TDRD3: variants seen among roughly 807,000 people sequenced by gnomAD.
TDRD3 encodes the protein tudor domain containing 3, also known as tudor domain-containing protein 3.
A neutral mutation model predicts 86.7 loss-of-function variants in TDRD3; 45 were observed. The ratio of observed to expected loss-of-function variants is 0.52; its 90% CI spans 0.41 to 0.67. The LOEUF (loss-of-function observed/expected upper bound fraction) is 0.67. Ranked by LOEUF, TDRD3 falls within the 30% of genes least tolerant of loss-of-function variation. The probability of loss-of-function intolerance (pLI) is 0.00; values close to 1 mark genes in which losing one functional copy is unlikely to be tolerated. For missense variants in TDRD3, 814 were observed against 889.0 expected (o/e 0.92, Z 1.07); for synonymous variants, 298 against 301.7 (o/e 0.99, Z 0.13).
chr13:60,486,082 A>T, intron 7 of TDRD3, 134 bp downstream of exon 7: 1 of 832,900 alleles, frequency 1.2e-6, no homozygotes, highest in Non-Finnish European at 1.7e-6. Context: ...TGCATATTCC[A>T]TAACTGGGAA....
chr13:60,443,195 A>G (rs972398659), intron 2 of TDRD3, among the ~76,000 whole-genome samples: 3 of 152,024 alleles, frequency 2.0e-5, no homozygotes, highest in Non-Finnish European at 4.4e-5. Context: ...AAGTCATTAT[A>G]CTGAGTGCTT....
chr13:60,487,741 A>T (rs773407969), intron 7 of TDRD3, among the ~76,000 whole-genome samples: 2 of 152,106 alleles, frequency 1.3e-5, no homozygotes, highest in Non-Finnish European at 2.9e-5. Context: ...AATATGGGAG[A>T]TATCTCTTTG....
intron 10 of TDRD3, among the ~76,000 whole-genome samples, chr13:60,516,269 T>C (rs1000127480): frequency 1.3e-5 from 2 of 152,242 alleles, no homozygotes; most frequent in African/African-American, 2.4e-5. Context: ...ACTTGTTATG[T>C]CATATCAGAT....
intron 12 of TDRD3, chr13:60,537,733 A>G (rs1957728953): frequency 6.6e-6 from 1 of 152,010 alleles, no homozygotes. Flanking sequence ...GGAATTTTTA[A>G]TTTTTTAACT....
At chr13:60,554,325 C>G (rs944768110) in intron 12 of TDRD3, among the ~76,000 whole-genome samples, 2 of 152,192 alleles carry the variant, frequency 1.3e-5, no homozygotes, top group African/African-American at 4.8e-5. Flanking sequence ...ATTTTGTACT[C>G]TGAAGAATGT....
chr13:60,468,715 T>C (rs1212894613), intron 5 of TDRD3, among the ~76,000 whole-genome samples: 1 of 152,200 alleles, frequency 6.6e-6, no homozygotes, highest in Admixed American at 6.5e-5. Flanking sequence ...GACCATTTTT[T>C]TCTGTTATAC....
At chr13:60,480,374 T>C (rs147344122) in intron 5 of TDRD3, among the ~76,000 whole-genome samples, 1 of 152,164 alleles carries the variant, frequency 6.6e-6, no homozygotes, top group Non-Finnish European at 1.5e-5. Context: ...GTTAGCTGAG[T>C]GGGATTCTTT....
intron 3 of TDRD3, among the ~76,000 whole-genome samples, chr13:60,459,667 C>A (rs2138048797): frequency 6.6e-6 from 1 of 152,348 alleles, no homozygotes; most frequent in African/African-American, 2.4e-5. Flanking sequence ...GTCATCCAGG[C>A]TGCAGTGCAA....
chr13:60,456,064 T>C (rs11616352), intron 3 of TDRD3, among the ~76,000 whole-genome samples: 27,113 of 133,002 alleles, frequency 0.2, 3,234 homozygotes, highest in South Asian at 0.31. Flanking sequence ...AGTGAGACTA[T>C]GTCTCAAAAA....
At chr13:60,538,549 T>C (rs1340846222) in intron 12 of TDRD3, among the ~76,000 whole-genome samples, 2 of 152,166 alleles carry the variant, frequency 1.3e-5, no homozygotes, top group African/African-American at 4.8e-5. Flanking sequence ...GGATTTTTCT[T>C]ATTTTAGCAA....
At chr13:60,396,271 G>T (rs978313760), upstream of TDRD3, among the ~76,000 whole-genome samples, 3 of 152,154 alleles carry the variant, frequency 2.0e-5, no homozygotes, top group Admixed American at 2.0e-4. Flanking sequence ...CTTTTTCCCC[G>T]CAATACGGGA....
At chr13:60,435,918 G>GTTTTTTTT (rs767705603) in intron 1 of TDRD3, among the ~76,000 whole-genome samples, 1 of 124,774 alleles carries the variant, frequency 8.0e-6, no homozygotes, top group Non-Finnish European at 1.8e-5. Flanking sequence ...AACATCTATG[G>GTTTTTTTT]TTTTTTTTTT....
intron 1 of TDRD3, among the ~76,000 whole-genome samples, chr13:60,436,104 G>C (rs1651298479): frequency 7.0e-6 from 1 of 142,664 alleles, no homozygotes; most frequent in Admixed American, 7.0e-5. Flanking sequence ...CTTTTGGATG[G>C]GTTGTTTTTT....
intron 3 of TDRD3, among the ~76,000 whole-genome samples, chr13:60,452,427 C>G (rs983467969): frequency 2.6e-5 from 4 of 151,818 alleles, no homozygotes; most frequent in Admixed American, 1.3e-4. Flanking sequence ...TCTTCTTATT[C>G]CAGATATAAT....
chr13:60,406,304 A>G (rs1475086389), intron 1 of TDRD3, among the ~76,000 whole-genome samples: 14 of 152,216 alleles, frequency 9.2e-5, no homozygotes, highest in Admixed American at 9.2e-4. Context: ...CACTTGAAAT[A>G]TGTCTAGTCT....
At chr13:60,478,707 T>G (rs574682360) in intron 5 of TDRD3, among the ~76,000 whole-genome samples, 22 of 152,186 alleles carry the variant, frequency 1.4e-4, no homozygotes, top group African/African-American at 5.3e-4. Flanking sequence ...GTTCTCTGAT[T>G]TTAGTTATTT....
intron 12 of TDRD3, among the ~76,000 whole-genome samples, chr13:60,541,716 CTTTTTTTTTTTTTTTTTT>C (rs71199007): frequency 4.9e-5 from 2 of 41,008 alleles, no homozygotes; most frequent in East Asian, 7.5e-4. Flanking sequence ...TCAGCATAGT[CTTTTTTTTTTTTTTTTTT>C]TTTTTTTTTT....
At chr13:60,433,835 C>T (rs770983320) in intron 1 of TDRD3, among the ~76,000 whole-genome samples, 55 of 152,332 alleles carry the variant, frequency 3.6e-4, no homozygotes, top group Middle Eastern at 3.4e-3. Flanking sequence ...ATTATCTATA[C>T]ATTATAGCCA....
intron 1 of TDRD3, among the ~76,000 whole-genome samples, chr13:60,438,984 A>G (rs1594934900): frequency 6.6e-6 from 1 of 152,132 alleles, no homozygotes; most frequent in African/African-American, 2.4e-5. Flanking sequence ...GTCCATGGGT[A>G]TGGGTAGAGA....
Sources: allele counts gnomAD v4.1 joint callset (sites outside exome capture counted in the v4.1 genomes callset), GRCh38; gene constraint gnomAD v4.1.1; transcripts MANE v1.5; gene names NCBI Gene and HGNC (gene_info 2026-07-23, HGNC 2026-07-21).